Variants in ZNF804A observed in about 807,000 individuals in gnomAD.
The protein encoded by ZNF804A is zinc finger protein 804A.
A neutral mutation model predicts 16.5 loss-of-function variants in ZNF804A; 2 were observed. The observed-to-expected ratio is 0.12, with a 90% CI of 0.05 to 0.38. The LOEUF (loss-of-function observed/expected upper bound fraction) is 0.38. ZNF804A is among the 10% of genes least tolerant of loss of function. The pLI is 0.99. For synonymous variants in ZNF804A, 534 were observed against 489.6 expected (o/e 1.09, Z -1.20); for missense variants, 1,473 against 1,390.7 (o/e 1.06, Z -0.94).
rs1327362542 is a variant in ZNF804A, at chr2:184,936,969, C to A, written c.1573C>A (p.Pro525Thr). The A allele has an allele frequency of 6.2e-7, 1 of 1,613,892 alleles. No individual in the cohort carries two copies. Among genetic ancestry groups the A allele is most frequent in the Non-Finnish European group, 8.5e-7 (1 of 1,179,940 alleles). ...CAAAAATAAATGCAGCCAAGTCACT[C>A]CTCTTTTGGCTGATGATATTCTCTC... ...SSKNKCSQVT[P>T]LLADDILSSS... Residue 525 changes from proline (P) to threonine (T), a missense_variant, in exon 4 of 4, where the codon CCT becomes ACT. Transcript: ENST00000302277.
At chr2:184,787,966 T>A (rs1296829413) in intron 1 of ZNF804A, among the ~76,000 whole-genome samples, 1 of 151,998 alleles carries the variant, frequency 6.6e-6, no homozygotes, top group Non-Finnish European at 1.5e-5. Flanking sequence ...AACATTTTTA[T>A]GGCTTCATGT....
intron 1 of ZNF804A, among the ~76,000 whole-genome samples, chr2:184,691,993 A>C (rs1488956116): frequency 6.6e-6 from 1 of 152,138 alleles, no homozygotes; most frequent in Non-Finnish European, 1.5e-5. Context: ...TCTGTATTAG[A>C]TGTTACTTTC....
chr2:184,644,261 C>G (rs1445224971), intron 1 of ZNF804A, among the ~76,000 whole-genome samples: 1 of 151,514 alleles, frequency 6.6e-6, no homozygotes, highest in Non-Finnish European at 1.5e-5. Context: ...AATACCTCAT[C>G]TGTTACATGG....
At chr2:184,676,606 G>A (rs573883796) in intron 1 of ZNF804A, among the ~76,000 whole-genome samples, 4 of 151,614 alleles carry the variant, frequency 2.6e-5, no homozygotes, top group African/African-American at 9.6e-5. Flanking sequence ...GAGTATTTTT[G>A]TGAGATCCCA....
intron 1 of ZNF804A, among the ~76,000 whole-genome samples, chr2:184,599,406 C>T (rs1451102699): frequency 1.3e-5 from 2 of 152,160 alleles, no homozygotes; most frequent in Admixed American, 6.5e-5. Flanking sequence ...ACCCCATAAC[C>T]TCTTTTGTTT....
Position 184,723,077 on chromosome 2 carries a change from G to A in ZNF804A, c.111+124007G>A, listed in dbSNP as rs565496943. 1.8e-4 allele frequency among the ~76,000 whole-genome samples: 28 copies of A among 151,940 alleles called. No individual in the cohort carries two copies. The East Asian group carries it at 4.8e-3, about 26-fold the overall frequency. On this transcript the variant is annotated intron_variant, in intron 1 of 3. Transcript: ENST00000302277. Reference sequence around the variant, plus strand: ...TATGGATTTTTAGAGAAATCATCGAGTAACATGGATAATCTGTTAAATAAC... The same window carrying A: ...TATGGATTTTTAGAGAAATCATCGAATAACATGGATAATCTGTTAAATAAC...
At chr2:184,776,462 G>A (rs1049481883) in intron 1 of ZNF804A, among the ~76,000 whole-genome samples, 8 of 151,080 alleles carry the variant, frequency 5.3e-5, no homozygotes, top group Non-Finnish European at 5.9e-5. Context: ...GGTTTTGTTG[G>A]TTGATTTATA....
chr2:184,905,152 C>A (rs1356794831), intron 2 of ZNF804A, among the ~76,000 whole-genome samples: 2 of 151,796 alleles, frequency 1.3e-5, no homozygotes, highest in Non-Finnish European at 2.9e-5. Context: ...AGAACCAAGT[C>A]AGTAACTGAA....
At chr2:184,855,173 T>C (rs76323844) in intron 1 of ZNF804A, among the ~76,000 whole-genome samples, 6,256 of 152,078 alleles carry the variant, frequency 0.041, 415 homozygotes, top group African/African-American at 0.14. Context: ...AAGGATGCCA[T>C]GGGTAGAATG....
At chr2:184,933,823 T>C (rs1685742998) in intron 3 of ZNF804A, 90 bp downstream of exon 3, 1 of 1,321,694 alleles carries the variant, frequency 7.6e-7, no homozygotes, top group Non-Finnish European at 1.0e-6. Flanking sequence ...CAAATCTATT[T>C]ATTACTGTAC....
At chr2:184,935,484 C>T (rs1685769185) in intron 3 of ZNF804A, among the ~76,000 whole-genome samples, 1 of 152,082 alleles carries the variant, frequency 6.6e-6, no homozygotes, top group Admixed American at 6.6e-5. Flanking sequence ...ACAGAAGAGG[C>T]CATGAAGGTA....
chr2:184,695,142 T>G (rs902074473), intron 1 of ZNF804A, among the ~76,000 whole-genome samples: 1 of 152,062 alleles, frequency 6.6e-6, no homozygotes, highest in Non-Finnish European at 1.5e-5. Context: ...TGTAGAGAGA[T>G]AGAGATTATC....
chr2:184,894,376 AT>A (rs1225446937), intron 2 of ZNF804A, among the ~76,000 whole-genome samples: 2 of 152,132 alleles, frequency 1.3e-5, no homozygotes, highest in African/African-American at 4.8e-5. Flanking sequence ...TGTCTCTGAG[AT>A]GACTTGAATA....
At chr2:184,851,195 G>A (rs776677313) in intron 1 of ZNF804A, among the ~76,000 whole-genome samples, 4 of 151,736 alleles carry the variant, frequency 2.6e-5, no homozygotes, top group Non-Finnish European at 4.4e-5. Flanking sequence ...TGTGGAGAGA[G>A]CACGTAAAAT....
Position 184,933,706 on chromosome 2 carries a change from T to C in ZNF804A, c.359T>C (p.Leu120Pro). The change falls in exon 3 of 4, where the codon CTG becomes CCG. Residue 120 changes from leucine (L) to proline (P), a missense_variant. Coordinates refer to ENST00000302277, the MANE Select transcript of ZNF804A (RefSeq NM_194250.2). The stretch of plus-strand genomic sequence containing the variant: ...AAGGCACTCCAACGCCTGCACAAGC[T>C]GGCTGAGCTAAGAAAGGAAACTGTA... ...QEKALQRLHK[L>P]AELRKETVCA... The C allele has an allele frequency of 1.9e-6, 3 of 1,605,118 alleles. No homozygotes were observed. The highest frequency in any genetic ancestry group is 2.5e-6 in the Non-Finnish European group (3 of 1,177,486).
At chr2:184,866,205 A>G (rs1280013690) in intron 1 of ZNF804A, among the ~76,000 whole-genome samples, 164 bp from the exon 2 acceptor site, 1 of 152,132 alleles carries the variant, frequency 6.6e-6, no homozygotes, top group Non-Finnish European at 1.5e-5. Flanking sequence ...TTTAATTTTT[A>G]AGTTATAATT....
intron 1 of ZNF804A, among the ~76,000 whole-genome samples, chr2:184,849,630 T>C (rs539197839): frequency 6.6e-6 from 1 of 152,010 alleles, no homozygotes; most frequent in African/African-American, 2.4e-5. Flanking sequence ...TCATATACCA[T>C]AGGTAGGAAT....
chr2:184,807,951 C>T (rs1289804885), intron 1 of ZNF804A, among the ~76,000 whole-genome samples: 3 of 151,528 alleles, frequency 2.0e-5, no homozygotes, highest in African/African-American at 7.2e-5. Flanking sequence ...TTATTTGGTT[C>T]TGAACCGTAA....
chr2:184,718,891 C>G (rs572983351), intron 1 of ZNF804A, among the ~76,000 whole-genome samples: 1 of 152,202 alleles, frequency 6.6e-6, no homozygotes, highest in East Asian at 1.9e-4. Flanking sequence ...CCTCTTTTCA[C>G]AGCTCAAGCA....
Sources: gnomAD v4.1 joint callset for allele counts (sites outside exome capture counted in the v4.1 genomes callset) on GRCh38, gnomAD v4.1.1 for gene constraint, MANE v1.5 for transcripts, NCBI Gene and HGNC (gene_info 2026-07-23, HGNC 2026-07-21) for gene names.